Variants in CDH4 observed in about 807,000 individuals in gnomAD.
CDH4 encodes the protein cadherin 4, also known as cadherin-4.
A neutral mutation model predicts 86.0 loss-of-function variants in CDH4; 33 were observed. The ratio of observed to expected loss-of-function variants is 0.38; its 90% confidence interval spans 0.29 to 0.51. CDH4 has a LOEUF of 0.51. Ranked by LOEUF, CDH4 falls within the 20% of genes least tolerant of loss-of-function variation. The probability of loss-of-function intolerance (pLI) is 0.86; values close to 1 mark genes in which losing one functional copy is unlikely to be tolerated. For synonymous variants in CDH4, 555 were observed against 549.4 expected, an observed-to-expected ratio of 1.01 and a Z score of -0.14; for missense variants, 1,114 against 1,307.4, an observed-to-expected ratio of 0.85 and a Z score of 2.28.
At chr20:61,633,483 C>T (rs1332366165) in intron 2 of CDH4, among the ~76,000 whole-genome samples, 1 of 152,178 alleles carries the variant, frequency 6.6e-6, no homozygotes, top group Non-Finnish European at 1.5e-5. Flanking sequence ...TCATCCTATC[C>T]ATCCACCCAT....
At chr20:61,592,267 T>C (rs1213440171) in intron 2 of CDH4, among the ~76,000 whole-genome samples, 3 of 152,170 alleles carry the variant, frequency 2.0e-5, no homozygotes, top group African/African-American at 4.8e-5. Flanking sequence ...TCACCACTTC[T>C]ACTTCACTAA....
intron 5 of CDH4, among the ~76,000 whole-genome samples, chr20:61,847,285 G>A (rs1462215092): frequency 6.6e-6 from 1 of 152,208 alleles, no homozygotes; most frequent in Admixed American, 6.5e-5. Context: ...CCCCCTTCAT[G>A]CACCTTGAAG....
chr20:61,335,649 C>T (rs2084613032), intron 2 of CDH4, among the ~76,000 whole-genome samples: 1 of 152,264 alleles, frequency 6.6e-6, no homozygotes, highest in African/African-American at 2.4e-5. Context: ...TGCAAATTGT[C>T]AGAAAACTCC....
At chr20:61,638,398 T>C (rs564710099) in intron 2 of CDH4, among the ~76,000 whole-genome samples, 76 of 152,280 alleles carry the variant, frequency 5.0e-4, no homozygotes, top group South Asian at 1.4e-3. Flanking sequence ...CTGTAGAATA[T>C]CCTAATGGAT....
intron 2 of CDH4, among the ~76,000 whole-genome samples, chr20:61,593,600 A>G (rs973287117): frequency 5.9e-5 from 9 of 152,146 alleles, no homozygotes; most frequent in African/African-American, 1.9e-4. Flanking sequence ...AATGAGAGTC[A>G]CTCAGTTTGC....
intron 2 of CDH4, among the ~76,000 whole-genome samples, chr20:61,568,959 C>CGCTCAAGAT (rs1555809626): frequency 9.4e-6 from 1 of 106,156 alleles, no homozygotes; most frequent in African/African-American, 5.0e-5. Flanking sequence ...AGTAGGTCCT[C>CGCTCAAGAT]GCTCAAGACT....
chr20:61,748,097 G>T (rs2088441573), intron 3 of CDH4, among the ~76,000 whole-genome samples: 1 of 152,140 alleles, frequency 6.6e-6, no homozygotes, highest in African/African-American at 2.4e-5. Context: ...CGTTGTGGGG[G>T]GGTTGGAAGA....
At chr20:61,478,959 AAT>A (rs948584011) in intron 2 of CDH4, among the ~76,000 whole-genome samples, 5 of 150,738 alleles carry the variant, frequency 3.3e-5, no homozygotes, top group African/African-American at 9.9e-5. Flanking sequence ...CCATTTTTGA[AAT>A]TTTTTTTTTT....
chr20:61,730,785 G>A (rs930451229), intron 2 of CDH4, among the ~76,000 whole-genome samples: 4 of 152,228 alleles, frequency 2.6e-5, no homozygotes, highest in African/African-American at 9.6e-5. Flanking sequence ...GAGCAGATGA[G>A]CCTTCCAGAA....
At chr20:61,450,161 G>T (rs774319824) in intron 2 of CDH4, among the ~76,000 whole-genome samples, 2 of 152,222 alleles carry the variant, frequency 1.3e-5, no homozygotes, top group African/African-American at 4.8e-5. Flanking sequence ...ATGACCTTCT[G>T]TTCATGAATG....
At chr20:61,282,451 A>G (rs1568780295) in intron 2 of CDH4, among the ~76,000 whole-genome samples, 1 of 152,254 alleles carries the variant, frequency 6.6e-6, no homozygotes, top group Non-Finnish European at 1.5e-5. Context: ...TTATTGTTAA[A>G]GACTTTAGAA....
At chr20:61,616,930 G>A (rs917030161) in intron 2 of CDH4, among the ~76,000 whole-genome samples, 1 of 152,086 alleles carries the variant, frequency 6.6e-6, no homozygotes, top group African/African-American at 2.4e-5. Context: ...ATGGGGGGCT[G>A]CTGGGTGGAG....
rs1600935450 is a variant in CDH4 at position 61,393,757 on chromosome 20, A to T, written c.169+138820A>T. Among the ~76,000 whole-genome samples, 1 of 152,026 alleles carries T rather than the reference A, an allele frequency of 6.6e-6. No individual in the cohort carries two copies. Among genetic ancestry groups the T allele is most frequent in the Admixed American group, 6.6e-5 (1 of 15,248 alleles). On this transcript the variant is annotated intron_variant, in intron 2 of 15. Transcript: ENST00000614565. The surrounding 1 kb of genome is among the most constrained non-coding windows in gnomAD (Gnocchi z 4.3). ...CTGGCAGGGTTCTCATGAGGATTACACGAGTCCTGGAGACCGTGCAGTGAA... is the reference window on the plus strand; with the variant it reads ...CTGGCAGGGTTCTCATGAGGATTACTCGAGTCCTGGAGACCGTGCAGTGAA...
At chr20:61,779,868 G>A (rs563351748) in intron 4 of CDH4, among the ~76,000 whole-genome samples, 36 of 152,382 alleles carry the variant, frequency 2.4e-4, no homozygotes, top group Middle Eastern at 3.4e-3. Context: ...GTGTGAGCAC[G>A]TGTGGCGGGG....
chr20:61,405,938 T>C (rs6061339), intron 2 of CDH4, among the ~76,000 whole-genome samples: 37,313 of 152,048 alleles, frequency 0.25, 11,078 homozygotes, highest in African/African-American at 0.71. Flanking sequence ...CCTCGGCCTC[T>C]CAAAGTGCTG....
chr20:61,331,602 C>T (rs1254457887), intron 2 of CDH4, among the ~76,000 whole-genome samples: 1 of 151,774 alleles, frequency 6.6e-6, no homozygotes. Context: ...ACCTCCTGCC[C>T]CGGCCACCTG....
intron 2 of CDH4, among the ~76,000 whole-genome samples, chr20:61,557,725 G>A (rs1158581873): frequency 1.4e-5 from 2 of 143,754 alleles, no homozygotes; most frequent in Non-Finnish European, 3.1e-5. Context: ...ACCACGGAGC[G>A]CCTCTTGAGA....
chr20:61,814,720 A>G (rs2146053037), intron 4 of CDH4, among the ~76,000 whole-genome samples: 1 of 152,350 alleles, frequency 6.6e-6, no homozygotes, highest in East Asian at 1.9e-4. Context: ...AGGGGCGATG[A>G]GCACTTGATG....
rs577430988 is a variant in CDH4, at chr20:61,810,923, G to A, written c.577-33745G>A. On this transcript the variant is annotated intron_variant, in intron 4 of 15. Transcript: ENST00000614565. This position sits in a 1 kb window ranked among gnomAD's most constrained non-coding sequence, Gnocchi z 4.3. ...TCCAGGAAGCTTCGAGACGGGGGCT[G>A]CAGGAGCCTGCAGAGCCTGCGTTAT... Among the ~76,000 whole-genome samples, 8 of 152,304 alleles carry A rather than the reference G, an allele frequency of 5.3e-5. No homozygotes were observed. In the East Asian group the frequency reaches 1.2e-3, roughly 22 times the overall value.
Sources: allele counts gnomAD v4.1 joint callset (sites outside exome capture counted in the v4.1 genomes callset), GRCh38; gene constraint gnomAD v4.1.1; non-coding constraint Gnocchi (gnomAD v3.1); transcripts MANE v1.5; gene names NCBI Gene and HGNC (gene_info 2026-07-23, HGNC 2026-07-21).